VAV2: variants seen among roughly 807,000 people sequenced by gnomAD.
The protein encoded by VAV2 is guanine nucleotide exchange factor VAV2.
A neutral mutation model predicts 132.5 loss-of-function variants in VAV2; 67 were observed. The ratio of observed to expected loss-of-function variants is 0.51; its 90% CI spans 0.42 to 0.62. The LOEUF is 0.62. Among genes scored for constraint, VAV2 ranks in the 20% least tolerant of loss-of-function variants. VAV2 has a pLI of 0.00. For synonymous variants in VAV2, 492 were observed against 443.5 expected, an observed-to-expected ratio of 1.11 and a Z score of -1.37; for missense variants, 938 against 1,153.6, an observed-to-expected ratio of 0.81 and a Z score of 2.71.
chr9:133,881,515 G>A (rs1172014380), intron 2 of VAV2, among the ~76,000 whole-genome samples: 1 of 152,230 alleles, frequency 6.6e-6, no homozygotes, highest in Admixed American at 6.5e-5. Context: ...AGCAGAGGCA[G>A]CAGGTGGAGA....
intron 2 of VAV2, among the ~76,000 whole-genome samples, chr9:133,910,089 C>G (rs1422916805): frequency 1.3e-5 from 2 of 152,192 alleles, no homozygotes; most frequent in Non-Finnish European, 2.9e-5. Flanking sequence ...GAAAAGTCGG[C>G]TTCAATGAAT....
chr9:133,810,355 G>T, intron 5 of VAV2, 150 bp from the exon 6 acceptor site: 1 of 1,290,488 alleles, frequency 7.7e-7, no homozygotes, highest in Non-Finnish European at 1.1e-6. Context: ...GCCCAGCTGG[G>T]CAGGGCGATG....
intron 2 of VAV2, among the ~76,000 whole-genome samples, chr9:133,938,197 G>C (rs552044171): frequency 6.6e-6 from 1 of 152,332 alleles, no homozygotes; most frequent in South Asian, 2.1e-4. Context: ...ATCAGCAGGT[G>C]GAAATCCATT....
intron 1 of VAV2, among the ~76,000 whole-genome samples, chr9:133,953,207 C>A (rs1841627125): frequency 6.6e-6 from 1 of 152,242 alleles, no homozygotes; most frequent in Non-Finnish European, 1.5e-5. Flanking sequence ...CTCGCGGCCT[C>A]CAGGGCTGCT....
intron 1 of VAV2, among the ~76,000 whole-genome samples, chr9:133,972,497 T>TGC (rs56259264): frequency 0.11 from 42 of 388 alleles, no homozygotes; most frequent in African/African-American, 0.19. Context: ...AGGCAAACAC[T>TGC]CTTTGCCGCT....
At chr9:133,838,042 C>T (rs113037894) in intron 3 of VAV2, among the ~76,000 whole-genome samples, 23 of 152,282 alleles carry the variant, frequency 1.5e-4, no homozygotes, top group Middle Eastern at 6.8e-3. Context: ...TGTCAGGGAC[C>T]GTGCACGGCC....
chr9:133,973,548 A>G lies in VAV2; in HGVS notation c.204+18527T>C, dbSNP rs191379979. On this transcript the variant is annotated intron_variant, in intron 1 of 29. Transcript: ENST00000371850. ...TGCAGAAAACCACTCCCAGAGAGGA[A>G]GGAGACCCAAAGAAGCTGGCGCAGA... 4.5e-3 allele frequency among the ~76,000 whole-genome samples: 683 copies of G among 152,314 alleles called. 1 individual carries two copies. Among genetic ancestry groups the G allele is most frequent in the African/African-American group, 0.015 (643 of 41,580 alleles).
intron 29 of VAV2, among the ~76,000 whole-genome samples, chr9:133,765,464 T>A (rs1349260145): frequency 2.6e-5 from 4 of 152,164 alleles, no homozygotes; most frequent in Non-Finnish European, 5.9e-5. Flanking sequence ...AATCTAATCA[T>A]GAAGAAACAT....
chr9:133,963,757 C>T (rs1352407626), intron 1 of VAV2, among the ~76,000 whole-genome samples: 1 of 152,016 alleles, frequency 6.6e-6, no homozygotes, highest in African/African-American at 2.4e-5. Flanking sequence ...TCTAATTATG[C>T]CTCTGATTAC....
chr9:133,915,698 CAA>C (rs763997947), intron 2 of VAV2, among the ~76,000 whole-genome samples: 239 of 132,644 alleles, frequency 1.8e-3, no homozygotes, highest in Middle Eastern at 7.7e-3. Context: ...CGTGCACACA[CAA>C]TGCACAGACG....
At chr9:133,854,139 TTGCACCTGCACACACAC>T (rs1837295627) in intron 3 of VAV2, among the ~76,000 whole-genome samples, 1 of 126,068 alleles carries the variant, frequency 7.9e-6, no homozygotes, top group African/African-American at 4.7e-5. Context: ...CACACACCCC[TTGCACCTGCACACACAC>T]ATCTGCATAT....
chr9:133,863,325 G>A lies in VAV2; in HGVS notation c.322-1893C>T, dbSNP rs138164338. Among the ~76,000 whole-genome samples the A allele has an allele frequency of 4.1e-4, 63 of 152,286 alleles. No individual in the cohort carries two copies. The highest frequency in any genetic ancestry group is 6.5e-4 in the Non-Finnish European group (44 of 68,012). ...GGGCGCAGGCCCAGAGCCCTCCTCC[G>A]TGGAGTCTAAGGAGGCACCAGCATT... On this transcript the variant is annotated intron_variant, in intron 2 of 29. Coordinates refer to ENST00000371850, the MANE Select transcript of VAV2 (RefSeq NM_001134398.2). The surrounding 1 kb of genome is among the most constrained non-coding windows in gnomAD (Gnocchi z 5.0).
intron 10 of VAV2, 117 bp from the exon 11 acceptor site, chr9:133,796,641 T>C (rs1834726677): frequency 1.1e-6 from 1 of 919,092 alleles, no homozygotes; most frequent in African/African-American, 1.7e-5. Flanking sequence ...CCCAGACGTT[T>C]GGCCCTTCTC....
rs1406623233 is a variant in VAV2 at position 133,794,078 on chromosome 9, G to A, written c.1101+1590C>T. Among the ~76,000 whole-genome samples, 4 of 152,038 alleles carry A rather than the reference G, an allele frequency of 2.6e-5. No individual in the cohort carries two copies. Among genetic ancestry groups the A allele is most frequent in the Admixed American group, 6.5e-5 (1 of 15,276 alleles). On this transcript the variant is annotated intron_variant, in intron 12 of 29. Coordinates refer to ENST00000371850, the MANE Select transcript of VAV2 (RefSeq NM_001134398.2). The surrounding 1 kb of genome is among the most constrained non-coding windows in gnomAD (Gnocchi z 4.6). The stretch of plus-strand genomic sequence containing the variant: ...CCCGTCGAGGGGCTCAGAGCCACTC[G>A]CCAGCCAGACACCGAGTGCTGAGAG...
intron 1 of VAV2, among the ~76,000 whole-genome samples, chr9:133,947,267 C>A (rs1253963700): frequency 1.3e-5 from 2 of 152,188 alleles, no homozygotes; most frequent in East Asian, 3.9e-4. Flanking sequence ...GTCACCTGCA[C>A]AACTCTACAC....
chr9:133,990,553 G>GC (rs1296197928), intron 1 of VAV2, among the ~76,000 whole-genome samples: 7 of 152,170 alleles, frequency 4.6e-5, no homozygotes, highest in Non-Finnish European at 8.8e-5. Context: ...TCTGCCCTGA[G>GC]CCCCAGCCTG....
intron 1 of VAV2, among the ~76,000 whole-genome samples, chr9:133,952,427 C>T (rs1325859246): frequency 6.6e-6 from 1 of 152,040 alleles, no homozygotes. Flanking sequence ...CGTGGTGAAA[C>T]CCCATCTCTA....
rs1000403150 is a variant in VAV2, at chr9:133,961,253, T to G, written c.205-22034A>C. On this transcript the variant is annotated intron_variant, in intron 1 of 29. Coordinates refer to ENST00000371850, the MANE Select transcript of VAV2 (RefSeq NM_001134398.2). The surrounding 1 kb of genome is among the most constrained non-coding windows in gnomAD (Gnocchi z 4.1). Reference sequence around the variant, plus strand: ...AGAGGAGTGTCCATTAAGAGTAGGGTTCCTCACTCTCAGAGCAGACCTCCC... The same window carrying G: ...AGAGGAGTGTCCATTAAGAGTAGGGGTCCTCACTCTCAGAGCAGACCTCCC... 2.6e-5 allele frequency among the ~76,000 whole-genome samples: 4 copies of G among 152,004 alleles called. No individual in the cohort carries two copies. The highest frequency in any genetic ancestry group is 7.3e-5 in the African/African-American group (3 of 41,362).
intron 4 of VAV2, among the ~76,000 whole-genome samples, chr9:133,819,605 G>A (rs542534909): frequency 2.6e-5 from 4 of 152,262 alleles, no homozygotes; most frequent in South Asian, 2.1e-4. Flanking sequence ...CTGGGGGGGC[G>A]GAATCTGGGG....
Sources: allele counts gnomAD v4.1 joint callset (sites outside exome capture counted in the v4.1 genomes callset), GRCh38; gene constraint gnomAD v4.1.1; non-coding constraint Gnocchi (gnomAD v3.1); transcripts MANE v1.5; gene names NCBI Gene and HGNC (gene_info 2026-07-23, HGNC 2026-07-21).